Variants in DAW1 observed in about 807,000 individuals in gnomAD.
DAW1 encodes dynein assembly factor with WD repeat domains 1.
A neutral mutation model predicts 56.5 loss-of-function variants in DAW1; 47 were observed. The observed-to-expected ratio is 0.83, with a 90% CI of 0.66 to 1.06. The LOEUF is 1.06. Ranked by LOEUF, DAW1 falls within the 50% of genes least tolerant of loss-of-function variation. The pLI is 0.00. For missense variants in DAW1, 505 were observed against 499.3 expected (o/e 1.01, Z -0.11); for synonymous variants, 190 against 179.0 (o/e 1.06, Z -0.49).
intron 12 of DAW1, among the ~76,000 whole-genome samples, chr2:227,923,137 G>A (rs1475742040): frequency 6.6e-6 from 1 of 152,232 alleles, no homozygotes; most frequent in Non-Finnish European, 1.5e-5. Context: ...AAGCACCAAA[G>A]TGCTTAACAT....
At chr2:227,899,504 G>A (rs767197899) in intron 6 of DAW1, among the ~76,000 whole-genome samples, 7 of 152,188 alleles carry the variant, frequency 4.6e-5, no homozygotes, top group Admixed American at 1.3e-4. Context: ...CACCTCTCCT[G>A]TAACTGTCAG....
intron 5 of DAW1, among the ~76,000 whole-genome samples, chr2:227,897,478 A>G (rs1213430388): frequency 1.3e-5 from 2 of 152,196 alleles, no homozygotes; most frequent in Non-Finnish European, 2.9e-5. Flanking sequence ...TGATAATCCA[A>G]TTGGGTGAAC....
intron 1 of DAW1, among the ~76,000 whole-genome samples, chr2:227,882,235 A>G (rs1691027914): frequency 6.6e-6 from 1 of 152,238 alleles, no homozygotes; most frequent in South Asian, 2.1e-4. Context: ...CACTTTCAGC[A>G]GGGTCTCAAG....
chr2:227,905,930 A>G, intron 8 of DAW1, among the ~76,000 whole-genome samples: 1 of 151,938 alleles, frequency 6.6e-6, no homozygotes, highest in Non-Finnish European at 1.5e-5. Context: ...AATTTTTTGT[A>G]TTTTTAGTAG....
At position 227,906,322 on chromosome 2, in the gene DAW1, T is replaced by C. The variant is rs1251545563; in HGVS notation, c.842T>C (p.Met281Thr). The change falls in exon 9 of 13, where the codon ATG (methionine) becomes ACG (threonine). Residue 281 changes from methionine to threonine, a missense_variant. Transcript: ENST00000309931. ...TGCTCTCTAATATTAACTGGCTCTA[T>C]GGACAAAACCTGCAAGGTGAGCAAA... ...WDCSLILTGS[M>T]DKTCKLWDAT... is the part of the protein sequence containing the mutation. 5.0e-6 allele frequency: 8 copies of C among 1,610,858 alleles called. No individual in the cohort carries two copies. Among genetic ancestry groups the C allele is most frequent in the South Asian group, 1.1e-5 (1 of 90,622 alleles).
intron 1 of DAW1, 37 bp from the exon 2 acceptor site, chr2:227,885,314 C>T (rs763038601): frequency 1.1e-5 from 16 of 1,415,572 alleles, no homozygotes; most frequent in Admixed American, 8.7e-5. Context: ...AGGTGGTTAT[C>T]GTAAGTGTTT....
intron 10 of DAW1, among the ~76,000 whole-genome samples, 198 bp from the exon 11 acceptor site, chr2:227,918,582 G>A (rs1184234928): frequency 6.6e-6 from 1 of 152,120 alleles, no homozygotes; most frequent in Admixed American, 6.5e-5. Flanking sequence ...CTAAAGAGGA[G>A]CTCCCTCTCA....
chr2:227,907,013 A>C, intron 9 of DAW1, 125 bp from the exon 10 acceptor site: 1 of 618,220 alleles, frequency 1.6e-6, no homozygotes, highest in Non-Finnish European at 2.8e-6. Context: ...CATGAATTAC[A>C]CAAGTGATTT....
intron 5 of DAW1, among the ~76,000 whole-genome samples, chr2:227,895,835 G>A (rs1160785834): frequency 6.6e-6 from 1 of 152,162 alleles, no homozygotes; most frequent in Non-Finnish European, 1.5e-5. Context: ...AGACAGAAGA[G>A]GTCAGAGGGT....
At position 227,898,282 on chromosome 2, in the gene DAW1, G is replaced by A. The variant is rs980189622; in HGVS notation, c.540+1G>A. The A allele has an allele frequency of 3.4e-6, 5 of 1,466,222 alleles. No homozygotes were observed. The East Asian group carries it at 1.2e-4, about 36-fold the overall frequency. 90.8% of individuals were successfully genotyped at this position (1,466,222 alleles called of 1,614,324 possible). A position where few individuals can be genotyped will look rare whatever the true frequency, so the allele number is the denominator to read the frequency against. On this transcript the variant is annotated splice_donor_variant, in intron 6 of 12. Transcript: ENST00000309931. LOFTEE classifies it high-confidence loss of function. ...CTTCAGGGGTCATACAGCAGAAATA[G>A]TGAGTATATTTAACAATTTATTATT...
chr2:227,883,963 G>T (rs1236915657), intron 1 of DAW1, among the ~76,000 whole-genome samples: 1 of 152,154 alleles, frequency 6.6e-6, no homozygotes, highest in Non-Finnish European at 1.5e-5. Flanking sequence ...AGTGTAAGGT[G>T]ATCCTGAAGC....
At chr2:227,901,178 A>G (rs542673608) in intron 6 of DAW1, among the ~76,000 whole-genome samples, 5 of 152,318 alleles carry the variant, frequency 3.3e-5, no homozygotes, top group African/African-American at 4.8e-5. Context: ...ATAGATGAAG[A>G]GAATGTGAGT....
chr2:227,871,744 G>A lies in DAW1; in HGVS notation c.40+15G>A, dbSNP rs1160716781. 3 of 1,613,684 alleles carry A rather than the reference G, an allele frequency of 1.9e-6. No homozygotes were observed. The highest frequency in any genetic ancestry group is 8.5e-7 in the Non-Finnish European group (1 of 1,179,802). On this transcript the variant is annotated intron_variant, in intron 1 of 12. Coordinates refer to ENST00000309931, the MANE Select transcript of DAW1 (RefSeq NM_178821.3). ...TTACCCGCCAGGTACGCACCAGCCC[G>A]GCCCCGTCATCCCCACGTGGGACCC... is the stretch of plus-strand genomic sequence containing the variant.
At chr2:227,880,808 G>A (rs1215308013) in intron 1 of DAW1, among the ~76,000 whole-genome samples, 1 of 152,202 alleles carries the variant, frequency 6.6e-6, no homozygotes, top group African/African-American at 2.4e-5. Context: ...GAGAAGCAGT[G>A]TTGAAGGAGA....
Position 227,903,038 on chromosome 2 carries a change from G to A in DAW1, c.577G>A (p.Ala193Thr). ...ATTTAACCCTCAAAGCACATTGGTG[G>A]CGACTGGAAGTATGGACACAACAGC... The part of the protein sequence containing the change: ...LSFNPQSTLV[A>T]TGSMDTTAKL... The change falls in exon 7 of 13, where the codon GCG becomes ACG. Residue 193 changes from alanine (A) to threonine (T), a missense_variant. Coordinates refer to ENST00000309931, the MANE Select transcript of DAW1 (RefSeq NM_178821.3). 6.2e-7 allele frequency: 1 copy of A among 1,614,148 alleles called. No individual in the cohort carries two copies. The highest frequency in any genetic ancestry group is 8.5e-7 in the Non-Finnish European group (1 of 1,180,028).
intron 10 of DAW1, chr2:227,912,381 T>C: frequency 7.7e-7 from 1 of 1,304,828 alleles, no homozygotes; most frequent in Middle Eastern, 2.1e-4. Context: ...TTCTTGGTAA[T>C]CATGTTTGAT....
At chr2:227,896,593 AGTGTGTGTGTGTGTGTGTGTGTGT>A (rs5839240) in intron 5 of DAW1, among the ~76,000 whole-genome samples, 1 of 143,564 alleles carries the variant, frequency 7.0e-6, no homozygotes, top group South Asian at 2.3e-4. Flanking sequence ...AATAAGAGGG[AGTGTGTGTGTGTGTGTGTGTGTGT>A]GTGTGTGTGT....
intron 4 of DAW1, among the ~76,000 whole-genome samples, chr2:227,892,393 C>G (rs1302546968): frequency 4.6e-5 from 7 of 152,028 alleles, no homozygotes; most frequent in Non-Finnish European, 8.8e-5. Flanking sequence ...CTTGGCCTCC[C>G]AAAGTGCTGA....
chr2:227,920,683 A>T (rs538172688), intron 11 of DAW1, among the ~76,000 whole-genome samples: 207 of 151,814 alleles, frequency 1.4e-3, no homozygotes, highest in African/African-American at 4.6e-3. Flanking sequence ...TTTATTTTTT[A>T]TTATTTTTTT....
Sources: allele counts gnomAD v4.1 joint callset (sites outside exome capture counted in the v4.1 genomes callset), GRCh38; gene constraint gnomAD v4.1.1; transcripts MANE v1.5; gene names NCBI Gene and HGNC (gene_info 2026-07-23, HGNC 2026-07-21).